DCTN1: variants seen among roughly 807,000 people sequenced by gnomAD.
DCTN1 encodes dynactin subunit 1.
DCTN1 carries 61 observed loss-of-function variants against 161.2 expected under a neutral mutation model. The ratio of observed to expected loss-of-function variants is 0.38; its 90% CI spans 0.31 to 0.47. The LOEUF is 0.47. Among genes scored for constraint, DCTN1 ranks in the 20% least tolerant of loss-of-function variants. The pLI, the probability that DCTN1 is intolerant of heterozygous loss-of-function variation, is 0.99. For synonymous variants in DCTN1, 653 were observed against 632.4 expected (o/e 1.03, Z -0.49); for missense variants, 1,404 against 1,623.7 (o/e 0.86, Z 2.33).
At chr2:74,363,537 T>C in intron 27 of DCTN1, 77 bp downstream of exon 27, 1 of 1,599,766 alleles carries the variant, frequency 6.3e-7, no homozygotes, top group Non-Finnish European at 8.5e-7. Flanking sequence ...TCTCCAGTCC[T>C]GGCTTCCCCC....
chr2:74,372,506 G>A (rs1674937642), intron 7 of DCTN1, among the ~76,000 whole-genome samples: 1 of 152,160 alleles, frequency 6.6e-6, no homozygotes, highest in South Asian at 2.1e-4. Flanking sequence ...TCTCCCAGTG[G>A]GCTGACACTC....
chr2:74,378,335 G>A (rs1675345802), intron 1 of DCTN1, 90 bp from the exon 2 acceptor site: 1 of 1,525,978 alleles, frequency 6.6e-7, no homozygotes, highest in South Asian at 1.1e-5. Flanking sequence ...CAAGATGCTG[G>A]ACTGAAAAAC....
chr2:74,362,261 A>G, intron 30 of DCTN1, 120 bp from the exon 31 acceptor site: 1 of 855,604 alleles, frequency 1.2e-6, no homozygotes, highest in Non-Finnish European at 1.9e-6. Context: ...CCTCTATATC[A>G]ACATACTTTT....
chr2:74,385,851 G>T (rs1043667028), intron 1 of DCTN1: 2 of 152,142 alleles, frequency 1.3e-5, no homozygotes, highest in African/African-American at 4.8e-5. Flanking sequence ...CACACAAACT[G>T]AGAAAACACA....
rs774121306 is a variant in DCTN1, at chr2:74,362,743, A to G, written c.3530-14T>C. On this transcript the variant is annotated splice_polypyrimidine_tract_variant and intron_variant, in intron 29 of 31. Coordinates refer to ENST00000628224, the MANE Select transcript of DCTN1 (RefSeq NM_004082.5). ...GGCTCTTGGCAGCTGTGGGGAGAGA[A>G]AGCTGGTGAGGCCCACCAAGGCGCA... 2 of 1,613,618 alleles carry G rather than the reference A, an allele frequency of 1.2e-6. No individual in the cohort carries two copies. Among genetic ancestry groups the G allele is most frequent in the Non-Finnish European group, 8.5e-7 (1 of 1,179,842 alleles).
Position 74,363,025 on chromosome 2 carries a change from C to A in DCTN1, c.3498G>T (p.Thr1166=), listed in dbSNP as rs142030960. The A allele has an allele frequency of 9.9e-6, 16 of 1,613,494 alleles. No individual in the cohort carries two copies. Among genetic ancestry groups the A allele is most frequent in the Non-Finnish European group, 1.4e-5 (16 of 1,179,800 alleles). ...TGGTGCGAGTGATGTCTACTACGTG[C>A]GTGTGTGTGCTCAATTGATTCAATG... ...LETLNQLSTH[T]HVVDITRTSP... is the part of the protein sequence containing the mutation. Residue 1166 remains threonine, a synonymous_variant, in exon 29 of 32, where the codon ACG becomes ACT. Transcript: ENST00000628224.
In DCTN1 at chr2:74,363,434, G is replaced by T. The variant is rs1356468894; in HGVS notation, c.3212-7C>A. On this transcript the variant is annotated splice_region_variant and splice_polypyrimidine_tract_variant and intron_variant, in intron 27 of 31. Transcript: ENST00000628224. Reference sequence around the variant, plus strand: ...GCCTGCCCAGGGATGGCTCCTGTGGGGACCATAAAAAATCTCATCAGCCCC... The same window carrying T: ...GCCTGCCCAGGGATGGCTCCTGTGGTGACCATAAAAAATCTCATCAGCCCC... 6.2e-7 allele frequency: 1 copy of T among 1,611,796 alleles called. No homozygotes were observed. The highest frequency in any genetic ancestry group is 1.1e-5 in the South Asian group (1 of 90,718).
intron 6 of DCTN1, among the ~76,000 whole-genome samples, chr2:74,373,874 A>G (rs78508724): frequency 3.3e-5 from 5 of 152,202 alleles, no homozygotes; most frequent in African/African-American, 1.2e-4. Flanking sequence ...TAGGTTCCCC[A>G]TCCCACCCTG....
In DCTN1 at chr2:74,363,767, A is replaced by G. The variant is rs1034562723; in HGVS notation, c.3197-139T>C. On this transcript the variant is annotated intron_variant, in intron 26 of 31. Transcript: ENST00000628224. ...TTTTCCTAATCATCATACTTTCTCTAACAAGACTCTCTGCCACCTATCTTT... is the reference window on the plus strand; with the variant it reads ...TTTTCCTAATCATCATACTTTCTCTGACAAGACTCTCTGCCACCTATCTTT... 8.6e-6 allele frequency: 10 copies of G among 1,156,886 alleles called. No individual in the cohort carries two copies. The African/African-American group carries it at 1.1e-4, about 12-fold the overall frequency. 71.7% of individuals were successfully genotyped at this position (1,156,886 alleles called of 1,614,324 possible). A position where few individuals can be genotyped will look rare whatever the true frequency, so the allele number is the denominator to read the frequency against.
At position 74,369,567 on chromosome 2, in the gene DCTN1, A is replaced by G. The variant is rs1248977613; in HGVS notation, c.1393-76T>C. 20 of 1,491,520 alleles carry G rather than the reference A, an allele frequency of 1.3e-5. No individual in the cohort carries two copies. In the Admixed American group the frequency reaches 1.8e-4, roughly 14 times the overall value. 92.4% of individuals were successfully genotyped at this position (1,491,520 alleles called of 1,614,324 possible). Reference sequence around the variant, plus strand: ...GGCGGTGGTTCACACCTGTAATCCCAGCACTTTGGGAGGTCAAAGCAGGCG... The same window carrying G: ...GGCGGTGGTTCACACCTGTAATCCCGGCACTTTGGGAGGTCAAAGCAGGCG... On this transcript the variant is annotated intron_variant, in intron 13 of 31. Coordinates refer to ENST00000628224, the MANE Select transcript of DCTN1 (RefSeq NM_004082.5). This position sits in a 1 kb window ranked among gnomAD's most constrained non-coding sequence, Gnocchi z 4.9.
chr2:74,367,476 T>C (rs1483425037), intron 18 of DCTN1, 56 bp from the exon 19 acceptor site: 1 of 1,597,174 alleles, frequency 6.3e-7, no homozygotes, highest in Non-Finnish European at 8.6e-7. Context: ...TGGGGAGTTC[T>C]TCCCAAACTG....
At chr2:74,385,571 G>A (rs968304702) in intron 1 of DCTN1, 2 of 152,188 alleles carry the variant, frequency 1.3e-5, no homozygotes, top group Non-Finnish European at 2.9e-5. Flanking sequence ...TCTGCCTTTT[G>A]GGCAGCTCGC....
intron 21 of DCTN1, 59 bp from the exon 22 acceptor site, chr2:74,366,679 ACCCCAAAACCATTTTTGTC>A: frequency 6.2e-7 from 1 of 1,613,890 alleles, no homozygotes. Flanking sequence ...GTTTCCAGCT[ACCCCAAAACCATTTTTGTC>A]CCCTAACCAG....
intron 4 of DCTN1, among the ~76,000 whole-genome samples, chr2:74,377,137 A>G (rs894113142): frequency 2.0e-5 from 3 of 152,198 alleles, no homozygotes; most frequent in Non-Finnish European, 2.9e-5. Flanking sequence ...TTTGGGTACC[A>G]AAAGGTAGGA....
chr2:74,368,347 G>A (rs150745804), intron 16 of DCTN1: 2 of 667,522 alleles, frequency 3.0e-6, no homozygotes, highest in East Asian at 2.8e-5. Flanking sequence ...GAAAATGAAA[G>A]GGTAGTGGGA....
chr2:74,362,956 G>A (rs1171920675), intron 29 of DCTN1, 38 bp downstream of exon 29: 1 of 1,602,668 alleles, frequency 6.2e-7, no homozygotes, highest in Non-Finnish European at 8.5e-7. Flanking sequence ...AAGTGGAGGG[G>A]GCAGTTTTAT....
rs1218206662 is a variant in DCTN1, at chr2:74,373,011, C to CA, written c.433-64dup. ...GAAAGAAAGGACAATGGCAGAAAGA[C>CA]AGAGAGCAAAAGGGACAGCAATGAG... On this transcript the variant is annotated intron_variant, in intron 6 of 31. Coordinates refer to ENST00000628224, the MANE Select transcript of DCTN1 (RefSeq NM_004082.5). 158 of 1,516,708 alleles carry CA rather than the reference C, an allele frequency of 1.0e-4. 2 individuals are homozygous for CA. In the Middle Eastern group the frequency reaches 3.4e-3, roughly 33 times the overall value. 94.0% of individuals were successfully genotyped at this position (1,516,708 alleles called of 1,614,324 possible). A position where few individuals can be genotyped will look rare whatever the true frequency, so the allele number is the denominator to read the frequency against.
chr2:74,368,716 G>T lies in DCTN1; in HGVS notation c.1854+12C>A, dbSNP rs773568689. 6.2e-7 allele frequency: 1 copy of T among 1,614,222 alleles called. No individual in the cohort carries two copies. The highest frequency in any genetic ancestry group is 8.5e-7 in the Non-Finnish European group (1 of 1,180,040). On this transcript the variant is annotated intron_variant, in intron 16 of 31. Transcript: ENST00000628224. ...CTAGATTTCTGTGGAACATGTGATTGATTGGCCATACCTTGCAAATGAGAC... is the reference window on the plus strand; with the variant it reads ...CTAGATTTCTGTGGAACATGTGATTTATTGGCCATACCTTGCAAATGAGAC...
chr2:74,367,907 G>A, intron 17 of DCTN1, 43 bp from the exon 18 acceptor site: 2 of 1,614,178 alleles, frequency 1.2e-6, no homozygotes, highest in Non-Finnish European at 1.7e-6. Context: ...AGTCTGCCAG[G>A]CAATCTCAGT....
Sources: gnomAD v4.1 joint callset for allele counts (sites outside exome capture counted in the v4.1 genomes callset) on GRCh38, gnomAD v4.1.1 for gene constraint, Gnocchi (gnomAD v3.1) non-coding constraint, MANE v1.5 for transcripts, NCBI Gene and HGNC (gene_info 2026-07-23, HGNC 2026-07-21) for gene names.